OPCML: variants seen among roughly 807,000 people sequenced by gnomAD.
OPCML encodes the protein opioid-binding protein/cell adhesion molecule.
Under a neutral mutation model 37.8 loss-of-function variants are expected in OPCML, and 13 were observed. The ratio of observed to expected loss-of-function variants is 0.34; its 90% CI spans 0.22 to 0.55. The LOEUF is 0.55. OPCML is among the 20% of genes least tolerant of loss of function. OPCML has a pLI of 0.91. For missense variants in OPCML, 341 were observed against 435.6 expected, an observed-to-expected ratio of 0.78 and a Z score of 1.93; for synonymous variants, 176 against 168.8, an observed-to-expected ratio of 1.04 and a Z score of -0.33.
intron 4 of OPCML, among the ~76,000 whole-genome samples, chr11:132,440,438 CG>C (rs2096028739): frequency 6.6e-6 from 1 of 152,034 alleles, no homozygotes; most frequent in African/African-American, 2.4e-5. Context: ...ATGGCTGGGC[CG>C]GGGCCCCCAC....
chr11:133,513,285 A>C (rs570024165), intron 1 of OPCML, among the ~76,000 whole-genome samples: 1 of 152,344 alleles, frequency 6.6e-6, no homozygotes, highest in East Asian at 1.9e-4. Context: ...TTTTTCTGAC[A>C]TTTAAATGAC....
chr11:132,915,014 T>C (rs1480994044), intron 2 of OPCML, among the ~76,000 whole-genome samples: 1 of 152,246 alleles, frequency 6.6e-6, no homozygotes, highest in African/African-American at 2.4e-5. Context: ...TTTGTTCTTC[T>C]CTTTATGTTA....
rs552411327 is a variant in OPCML at position 133,017,459 on chromosome 11, G to A, written c.62-74449C>T. ...GTCACCCAGGCTGGAGTGCAATAGCGCAATCTTGGCTCACCACAACCTCCG... is the reference window on the plus strand; with the variant it reads ...GTCACCCAGGCTGGAGTGCAATAGCACAATCTTGGCTCACCACAACCTCCG... On this transcript the variant is annotated intron_variant, in intron 1 of 7. Transcript: ENST00000524381. Among the ~76,000 whole-genome samples, 14 of 151,570 alleles carry A rather than the reference G, an allele frequency of 9.2e-5. No homozygotes were observed. The South Asian group carries it at 2.1e-3, about 23-fold the overall frequency.
At chr11:132,696,561 C>A (rs1943606634) in intron 2 of OPCML, among the ~76,000 whole-genome samples, 1 of 151,860 alleles carries the variant, frequency 6.6e-6, no homozygotes, top group African/African-American at 2.4e-5. Flanking sequence ...AAATAACAAG[C>A]CCATGGAATT....
At chr11:133,095,939 T>C (rs1020168805) in intron 1 of OPCML, among the ~76,000 whole-genome samples, 3 of 151,990 alleles carry the variant, frequency 2.0e-5, no homozygotes, top group Non-Finnish European at 4.4e-5. Context: ...TGCCAGTAAA[T>C]CTGCCTTTCA....
chr11:133,038,813 G>A (rs1947831256), intron 1 of OPCML, among the ~76,000 whole-genome samples: 1 of 131,652 alleles, frequency 7.6e-6, no homozygotes, highest in Non-Finnish European at 1.6e-5. Flanking sequence ...ACTCACTGTT[G>A]CCTCTATGTT....
chr11:133,232,575 G>GA (rs149567552), intron 1 of OPCML, among the ~76,000 whole-genome samples: 8,814 of 147,770 alleles, frequency 0.06, 280 homozygotes, highest in Middle Eastern at 0.095. Context: ...GAAATTAAAA[G>GA]AAAAAAAAAA....
Position 132,874,223 on chromosome 11 carries a change from A to G in OPCML, c.146+68703T>C, listed in dbSNP as rs1413020167. On this transcript the variant is annotated intron_variant, in intron 2 of 7. Transcript: ENST00000524381. ...TTTTGCTATTATTATTATCATCTTT[A>G]TTATTTTCAGTGATAAACTATCAGA... Among the ~76,000 whole-genome samples, 10 of 152,152 alleles carry G rather than the reference A, an allele frequency of 6.6e-5. 1 individual carries two copies. The East Asian group carries it at 1.9e-3, about 29-fold the overall frequency.
chr11:132,635,329 G>A (rs994101056), intron 3 of OPCML, among the ~76,000 whole-genome samples: 4 of 151,958 alleles, frequency 2.6e-5, no homozygotes, highest in African/African-American at 7.3e-5. Flanking sequence ...TTTCCAATTC[G>A]ATTCCTCCCA....
In OPCML at chr11:133,439,292, GTTTT is replaced by G. The variant is rs61423385; in HGVS notation, c.61+92968_61+92971del. 104 of 880,162 alleles carry G rather than the reference GTTTT, an allele frequency of 1.2e-4. No individual in the cohort carries two copies. The African/African-American group carries it at 1.8e-3, about 15-fold the overall frequency. 54.5% of individuals were successfully genotyped at this position (880,162 alleles called of 1,614,324 possible). ...TGTTGGTGTCCAGAGAGTAAAAGAT[GTTTT>G]TTTTTTTTTTTTAAAGCCAACCTCA... On this transcript the variant is annotated intron_variant, in intron 1 of 7. Coordinates refer to ENST00000524381, the MANE Select transcript of OPCML (RefSeq NM_001012393.5).
intron 1 of OPCML, among the ~76,000 whole-genome samples, chr11:133,207,163 G>C (rs866619222): frequency 6.6e-6 from 1 of 151,496 alleles, no homozygotes; most frequent in Non-Finnish European, 1.5e-5. Context: ...AACCAGGTGT[G>C]GTGGCGGGCA....
At chr11:133,366,513 G>A (rs2136737024) in intron 1 of OPCML, among the ~76,000 whole-genome samples, 1 of 152,256 alleles carries the variant, frequency 6.6e-6, no homozygotes, top group South Asian at 2.1e-4. Context: ...ACTGAGCTGG[G>A]GCTTGAAATT....
At chr11:133,443,754 A>G (rs1391428636) in intron 1 of OPCML, among the ~76,000 whole-genome samples, 6 of 152,122 alleles carry the variant, frequency 3.9e-5, no homozygotes, top group South Asian at 2.1e-4. Context: ...TGTCCTAGCT[A>G]TTGAGCTACC....
intron 1 of OPCML, among the ~76,000 whole-genome samples, chr11:132,950,978 C>G (rs775682771): frequency 1.3e-5 from 2 of 152,196 alleles, no homozygotes; most frequent in Non-Finnish European, 2.9e-5. Context: ...CCTGTTTTGA[C>G]TTCCCTGCTG....
chr11:133,202,022 G>A (rs190249846), intron 1 of OPCML, among the ~76,000 whole-genome samples: 53 of 139,286 alleles, frequency 3.8e-4, no homozygotes, highest in South Asian at 1.1e-3. Context: ...ATATTCCAGC[G>A]GAACAGGCAG....
chr11:132,443,859 C>G (rs1325443763), intron 4 of OPCML, among the ~76,000 whole-genome samples: 1 of 152,184 alleles, frequency 6.6e-6, no homozygotes, highest in African/African-American at 2.4e-5. Flanking sequence ...CTTTCTTTCC[C>G]TCCAGGATTT....
At chr11:133,155,961 T>C (rs1311518468) in intron 1 of OPCML, among the ~76,000 whole-genome samples, 2 of 152,182 alleles carry the variant, frequency 1.3e-5, no homozygotes, top group Admixed American at 1.3e-4. Flanking sequence ...TAGTCCTGTG[T>C]CTTTTTGCAA....
chr11:132,989,857 A>T (rs1946743922), intron 1 of OPCML, among the ~76,000 whole-genome samples: 1 of 152,200 alleles, frequency 6.6e-6, no homozygotes. Context: ...TTCAAAGAAA[A>T]TAAAGCCTTC....
chr11:132,891,028 C>T (rs1386394952), intron 2 of OPCML, among the ~76,000 whole-genome samples: 2 of 152,098 alleles, frequency 1.3e-5, no homozygotes, highest in African/African-American at 2.4e-5. Flanking sequence ...GTCCGTCCCA[C>T]ATGGTAGTAG....
Sources: gnomAD v4.1 joint callset for allele counts (sites outside exome capture counted in the v4.1 genomes callset) on GRCh38, gnomAD v4.1.1 for gene constraint, MANE v1.5 for transcripts, NCBI Gene and HGNC (gene_info 2026-07-23, HGNC 2026-07-21) for gene names.